The following SNX10 variants were observed in gnomAD, a reference collection of about 807,000 sequenced individuals.
SNX10 encodes the protein sorting nexin 10.
A neutral mutation model predicts 28.5 loss-of-function variants in SNX10; 25 were observed. The observed-to-expected ratio is 0.88, with a 90% CI of 0.64 to 1.22. SNX10 has a LOEUF of 1.22. Ranked by LOEUF, SNX10 falls within the 50% of genes most tolerant of loss-of-function variation. The pLI is 0.00. For synonymous variants in SNX10, 62 were observed against 81.4 expected, an observed-to-expected ratio of 0.76 and a Z score of 1.28; for missense variants, 223 against 242.6, an observed-to-expected ratio of 0.92 and a Z score of 0.54.
intron 3 of SNX10, 48 bp downstream of exon 3, chr7:26,361,109 G>A: frequency 6.5e-7 from 1 of 1,530,410 alleles, no homozygotes; most frequent in South Asian, 1.3e-5. Flanking sequence ...ACTTTTATGG[G>A]ATACATTTTA....
At chr7:26,309,257 G>C (rs1247461761) in intron 1 of SNX10, among the ~76,000 whole-genome samples, 1 of 151,958 alleles carries the variant, frequency 6.6e-6, no homozygotes, top group Non-Finnish European at 1.5e-5. Flanking sequence ...CCTGCTATCA[G>C]TGCAGTTCTT....
rs774326747 is a variant in SNX10 at position 26,372,568 on chromosome 7, C to A, written c.602C>A (p.Ser201Tyr). The A allele has an allele frequency of 1.9e-6, 3 of 1,576,250 alleles. No homozygotes were observed. In the African/African-American group the frequency reaches 4.1e-5, roughly 21 times the overall value. ...GCKVNTAPQE[S>Y] ...AAAGTAAATACAGCTCCGCAGGAAT[C>A]CTGAAAAATAATTCTAATGTTACTA... The change falls in exon 7 of 7, where the codon TCC (serine) becomes TAC (tyrosine). Residue 201 changes from serine to tyrosine, a missense_variant. By Grantham distance (144) the Ser-to-Tyr change is moderately radical. Transcript: ENST00000338523.
At chr7:26,323,106 C>T (rs372632406) in intron 1 of SNX10, among the ~76,000 whole-genome samples, 2 of 151,968 alleles carry the variant, frequency 1.3e-5, no homozygotes, top group East Asian at 3.9e-4. Context: ...AAAAATTAGC[C>T]AAGTGTGGCG....
chr7:26,302,467 A>G (rs1786409494), intron 1 of SNX10, among the ~76,000 whole-genome samples: 1 of 135,200 alleles, frequency 7.4e-6, no homozygotes, highest in Admixed American at 7.1e-5. Flanking sequence ...TTCCATTCAC[A>G]TGGTCTCCCT....
At chr7:26,341,445 G>C (rs1788173199) in intron 1 of SNX10, among the ~76,000 whole-genome samples, 1 of 152,078 alleles carries the variant, frequency 6.6e-6, no homozygotes, top group African/African-American at 2.4e-5. Context: ...CTGGGAGGCA[G>C]ATATCCATAC....
chr7:26,329,173 G>A (rs1787626162), intron 1 of SNX10, among the ~76,000 whole-genome samples: 1 of 152,202 alleles, frequency 6.6e-6, no homozygotes, highest in South Asian at 2.1e-4. Context: ...CACAGGCCCG[G>A]TGTGACCCGG....
chr7:26,351,858 A>G lies in SNX10; in HGVS notation c.24+5392A>G, dbSNP rs547220117. ...TTTTTAGTAGAGGCGGGGTTTCACCATGTTAGCCAGGATGGTCTAGATCTC... is the reference window on the plus strand; with the variant it reads ...TTTTTAGTAGAGGCGGGGTTTCACCGTGTTAGCCAGGATGGTCTAGATCTC... On this transcript the variant is annotated intron_variant, in intron 2 of 6. Transcript: ENST00000338523. 5.5e-3 allele frequency among the ~76,000 whole-genome samples: 833 copies of G among 151,678 alleles called. 11 individuals are homozygous for G. The highest frequency in any genetic ancestry group is 0.019 in the African/African-American group (805 of 41,368).
chr7:26,295,796 C>T (rs1334912494), intron 1 of SNX10, among the ~76,000 whole-genome samples: 1 of 152,192 alleles, frequency 6.6e-6, no homozygotes, highest in African/African-American at 2.4e-5. Context: ...AGCCACTTTA[C>T]TCTGATTTGG....
At chr7:26,358,795 G>GT (rs1376064540) in intron 2 of SNX10, among the ~76,000 whole-genome samples, 1 of 119,796 alleles carries the variant, frequency 8.3e-6, no homozygotes, top group African/African-American at 3.8e-5. Context: ...TCACTATAGT[G>GT]TTATCTTGTG....
At chr7:26,312,191 G>C (rs1214116239) in intron 1 of SNX10, among the ~76,000 whole-genome samples, 1 of 152,156 alleles carries the variant, frequency 6.6e-6, no homozygotes, top group African/African-American at 2.4e-5. Context: ...CTGGTCTCTA[G>C]AAAAATCTAA....
chr7:26,349,450 A>G (rs748207314), intron 2 of SNX10, among the ~76,000 whole-genome samples: 25 of 152,064 alleles, frequency 1.6e-4, no homozygotes, highest in Admixed American at 1.4e-3. Flanking sequence ...AAAGGGAGTG[A>G]GAATCTCCCT....
At chr7:26,351,200 AAAAG>A (rs1422078017) in intron 2 of SNX10, among the ~76,000 whole-genome samples, 3 of 152,354 alleles carry the variant, frequency 2.0e-5, no homozygotes, top group African/African-American at 4.8e-5. Context: ...GTGGCTTAGG[AAAAG>A]AAAGAATTAG....
intron 1 of SNX10, among the ~76,000 whole-genome samples, chr7:26,336,046 A>T (rs1787929833): frequency 6.6e-6 from 1 of 152,158 alleles, no homozygotes; most frequent in African/African-American, 2.4e-5. Context: ...TATTCTTAAG[A>T]GATGAAAGTA....
chr7:26,298,369 C>T (rs1001443714), intron 1 of SNX10, among the ~76,000 whole-genome samples: 2 of 152,164 alleles, frequency 1.3e-5, no homozygotes, highest in African/African-American at 4.8e-5. Context: ...TGTAAAAATG[C>T]TTAATCTTAT....
rs1554360949 is a variant in SNX10 at position 26,358,805 on chromosome 7, G to GTTTTTTGT, written c.25-2164_25-2163insGTTTTTTT. ...GAGCATCACTATAGTGTTATCTTGT[G>GTTTTTTGT]TTTTTTTTTTTTTTTTTTTGACCAA... On this transcript the variant is annotated intron_variant, in intron 2 of 6. Coordinates refer to ENST00000338523, the MANE Select transcript of SNX10 (RefSeq NM_013322.3). 5.0e-5 allele frequency among the ~76,000 whole-genome samples: 5 copies of GTTTTTTGT among 100,112 alleles called. 1 individual carries two copies. Among genetic ancestry groups the GTTTTTTGT allele is most frequent in the African/African-American group, 2.2e-4 (5 of 22,680 alleles). The allele number at this position is 100,112 out of a possible 152,430, so 65.7% of individuals were successfully genotyped here. A position where few individuals can be genotyped will look rare whatever the true frequency, so the allele number is the denominator to read the frequency against.
chr7:26,366,339 G>T (rs1789286349), intron 5 of SNX10, among the ~76,000 whole-genome samples: 1 of 152,140 alleles, frequency 6.6e-6, no homozygotes. Context: ...CCTTTTCTTT[G>T]AAGGTGTCCT....
chr7:26,336,016 C>T (rs947241837), intron 1 of SNX10, among the ~76,000 whole-genome samples: 1 of 151,982 alleles, frequency 6.6e-6, no homozygotes, highest in Non-Finnish European at 1.5e-5. Context: ...CAGGCGTGAG[C>T]CACCGCGCCC....
chr7:26,342,028 C>CT (rs35337348), intron 1 of SNX10, among the ~76,000 whole-genome samples: 30,119 of 111,520 alleles, frequency 0.27, 4,462 homozygotes, highest in South Asian at 0.46. Context: ...TTTCTTCTTT[C>CT]TTTTTTTTTT....
intron 1 of SNX10, among the ~76,000 whole-genome samples, chr7:26,310,556 G>T (rs1786786284): frequency 6.6e-6 from 1 of 152,168 alleles, no homozygotes; most frequent in African/African-American, 2.4e-5. Context: ...TGGGGAGGTG[G>T]CCTTTAAACC....
Sources: gnomAD v4.1 joint callset for allele counts (sites outside exome capture counted in the v4.1 genomes callset) on GRCh38, gnomAD v4.1.1 for gene constraint, MANE v1.5 for transcripts, NCBI Gene and HGNC (gene_info 2026-07-23, HGNC 2026-07-21) for gene names.